Variants in DSCAML1 observed in about 807,000 individuals in gnomAD.
The protein encoded by DSCAML1 is DS cell adhesion molecule like 1.
In DSCAML1, 38 loss-of-function variants were observed where a neutral mutation model predicts 200.5. That is an observed-to-expected ratio of 0.19 (90% CI 0.15 to 0.25). The LOEUF (loss-of-function observed/expected upper bound fraction) is 0.25, where lower values mean the gene tolerates loss of function less well. Among genes scored for constraint, DSCAML1 ranks in the 10% least tolerant of loss-of-function variants. The probability of loss-of-function intolerance (pLI) is 1.00; values close to 1 mark genes in which losing one functional copy is unlikely to be tolerated. For synonymous variants in DSCAML1, 1,215 were observed against 1,165.0 expected (o/e 1.04, Z -0.87); for missense variants, 2,223 against 2,858.8 (o/e 0.78, Z 5.07).
chr11:117,495,714 C>T (rs571702106), intron 11 of DSCAML1, among the ~76,000 whole-genome samples: 1 of 152,100 alleles, frequency 6.6e-6, no homozygotes, highest in Non-Finnish European at 1.5e-5. Flanking sequence ...GCCACCCCTC[C>T]GTTCCCATCT....
At chr11:117,552,483 G>A (rs1228656345) in intron 3 of DSCAML1, among the ~76,000 whole-genome samples, 1 of 151,810 alleles carries the variant, frequency 6.6e-6, no homozygotes, top group Non-Finnish European at 1.5e-5. Flanking sequence ...TGCCTGGGAA[G>A]TTAGAGGGCC....
intron 3 of DSCAML1, among the ~76,000 whole-genome samples, chr11:117,744,184 A>G (rs1374445315): frequency 6.6e-6 from 1 of 152,194 alleles, no homozygotes; most frequent in Non-Finnish European, 1.5e-5. Context: ...AAGTACTGTT[A>G]TTATCCTTAT....
At chr11:117,791,977 G>A (rs1456717649) in intron 1 of DSCAML1, among the ~76,000 whole-genome samples, 1 of 152,258 alleles carries the variant, frequency 6.6e-6, no homozygotes, top group Non-Finnish European at 1.5e-5. Flanking sequence ...CACATGGCCA[G>A]TAAGTGCAGA....
chr11:117,476,693 G>A (rs1458094371), intron 14 of DSCAML1, among the ~76,000 whole-genome samples: 1 of 152,238 alleles, frequency 6.6e-6, no homozygotes, highest in Non-Finnish European at 1.5e-5. Context: ...TGCGTGGATG[G>A]TGCTATTTAT....
chr11:117,597,270 G>A (rs1317532756), intron 3 of DSCAML1, among the ~76,000 whole-genome samples: 1 of 152,274 alleles, frequency 6.6e-6, no homozygotes, highest in Middle Eastern at 3.4e-3. Context: ...GGAACTGGTG[G>A]CATTTCAGGA....
upstream of DSCAML1, among the ~76,000 whole-genome samples, chr11:117,797,753 A>G (rs1472344480): frequency 6.6e-6 from 1 of 151,924 alleles, no homozygotes; most frequent in African/African-American, 2.4e-5. Flanking sequence ...GAGTCCAGCC[A>G]CCCCCTGGCA....
At chr11:117,565,279 G>T (rs188530080) in intron 3 of DSCAML1, among the ~76,000 whole-genome samples, 2 of 152,282 alleles carry the variant, frequency 1.3e-5, no homozygotes, top group Admixed American at 1.3e-4. Flanking sequence ...GTGAATTGAG[G>T]ATATTCATCA....
intron 3 of DSCAML1, among the ~76,000 whole-genome samples, chr11:117,670,328 GCCA>G: frequency 2.6e-5 from 4 of 151,932 alleles, no homozygotes; most frequent in Admixed American, 2.6e-4. Flanking sequence ...CAAGCTCCCT[GCCA>G]AATGAGTTAT....
At chr11:117,511,704 C>T (rs560375852) in intron 8 of DSCAML1, among the ~76,000 whole-genome samples, 1 of 152,340 alleles carries the variant, frequency 6.6e-6, no homozygotes. Flanking sequence ...ACACAGCAGG[C>T]TCCCTTGGGC....
chr11:117,612,556 G>T (rs2137533864), intron 3 of DSCAML1, among the ~76,000 whole-genome samples: 1 of 152,274 alleles, frequency 6.6e-6, no homozygotes, highest in African/African-American at 2.4e-5. Context: ...GCAATAAAGA[G>T]ATCAATACTG....
intron 3 of DSCAML1, among the ~76,000 whole-genome samples, chr11:117,703,428 T>A (rs898066430): frequency 2.0e-5 from 3 of 152,306 alleles, no homozygotes; most frequent in African/African-American, 7.2e-5. Context: ...AGCTGGCTTC[T>A]GACCTAGGAG....
intron 31 of DSCAML1, 75 bp from the exon 32 acceptor site, chr11:117,431,108 C>G: frequency 2.1e-6 from 3 of 1,415,314 alleles, no homozygotes; most frequent in Non-Finnish European, 2.9e-6. Flanking sequence ...CTTCCCCTGC[C>G]CGTAACCCCA....
intron 3 of DSCAML1, among the ~76,000 whole-genome samples, chr11:117,546,018 G>A (rs899031292): frequency 2.0e-5 from 3 of 152,212 alleles, no homozygotes; most frequent in Non-Finnish European, 4.4e-5. Context: ...TCGGCTATGC[G>A]AACTTGTGCG....
chr11:117,438,145 C>A, intron 24 of DSCAML1, 62 bp from the exon 25 acceptor site: 1 of 1,500,864 alleles, frequency 6.7e-7, no homozygotes, highest in South Asian at 1.3e-5. Flanking sequence ...GAAGCCCAGC[C>A]TCAGGTACCC....
chr11:117,765,311 G>A (rs1162718622), intron 3 of DSCAML1, among the ~76,000 whole-genome samples: 1 of 152,216 alleles, frequency 6.6e-6, no homozygotes, highest in Non-Finnish European at 1.5e-5. Context: ...ACAGCAAGAT[G>A]CCAGGACCAC....
At chr11:117,762,022 CACA>C (rs2054813087) in intron 3 of DSCAML1, among the ~76,000 whole-genome samples, 1 of 152,144 alleles carries the variant, frequency 6.6e-6, no homozygotes, top group Non-Finnish European at 1.5e-5. Flanking sequence ...GCACATTCCA[CACA>C]ACAACCAGTA....
At chr11:117,470,447 C>T (rs3888083) in intron 15 of DSCAML1, among the ~76,000 whole-genome samples, 70,338 of 151,994 alleles carry the variant, frequency 0.46, 17,696 homozygotes, top group Non-Finnish European at 0.58. Flanking sequence ...AGGTGGCGGG[C>T]GCCTGTAGTC....
intron 3 of DSCAML1, among the ~76,000 whole-genome samples, chr11:117,545,955 C>G (rs149155904): frequency 1.3e-5 from 2 of 152,322 alleles, no homozygotes; most frequent in Non-Finnish European, 2.9e-5. Flanking sequence ...TGGGGTCAGG[C>G]AGGGTGGACA....
intron 3 of DSCAML1, among the ~76,000 whole-genome samples, chr11:117,578,809 C>T (rs1436995611): frequency 9.2e-5 from 14 of 152,110 alleles, no homozygotes; most frequent in Non-Finnish European, 2.9e-5. Context: ...AATCTGTAGC[C>T]CTGATCTTTC....
Sources: allele counts gnomAD v4.1 joint callset (sites outside exome capture counted in the v4.1 genomes callset), GRCh38; gene constraint gnomAD v4.1.1; transcripts MANE v1.5; gene names NCBI Gene and HGNC (gene_info 2026-07-23, HGNC 2026-07-21).